The following CNTN4 variants were observed in gnomAD, a reference collection of about 807,000 sequenced individuals.
The protein encoded by CNTN4 is contactin-4.
A neutral mutation model predicts 122.5 loss-of-function variants in CNTN4; 77 were observed. The observed-to-expected ratio is 0.63, with a 90% CI of 0.52 to 0.76. The LOEUF (loss-of-function observed/expected upper bound fraction) is 0.76, where lower values mean the gene tolerates loss of function less well. Ranked by LOEUF, CNTN4 falls within the 30% of genes least tolerant of loss-of-function variation. The probability of loss-of-function intolerance (pLI) is 0.00; values close to 1 mark genes in which losing one functional copy is unlikely to be tolerated. For missense variants in CNTN4, 1,256 were observed against 1,259.1 expected, an observed-to-expected ratio of 1.00 and a Z score of 0.04; for synonymous variants, 512 against 447.0, an observed-to-expected ratio of 1.15 and a Z score of -1.83.
At chr3:2,294,896 C>A (rs1346193970) in intron 2 of CNTN4, among the ~76,000 whole-genome samples, 2 of 151,828 alleles carry the variant, frequency 1.3e-5, no homozygotes, top group African/African-American at 2.4e-5. Flanking sequence ...TCTCATTGTT[C>A]AATTCCCACC....
At chr3:2,292,729 C>G (rs1032240429) in intron 2 of CNTN4, among the ~76,000 whole-genome samples, 2 of 152,184 alleles carry the variant, frequency 1.3e-5, no homozygotes, top group Non-Finnish European at 2.9e-5. Flanking sequence ...ACATATTATT[C>G]TATCTATCAG....
At chr3:2,437,914 G>A (rs1575628893) in intron 3 of CNTN4, among the ~76,000 whole-genome samples, 1 of 152,128 alleles carries the variant, frequency 6.6e-6, no homozygotes, top group East Asian at 1.9e-4. Context: ...AAATAAATCA[G>A]CATTCAATGG....
chr3:2,379,792 C>A (rs973257971), intron 3 of CNTN4, among the ~76,000 whole-genome samples: 1 of 152,060 alleles, frequency 6.6e-6, no homozygotes, highest in Non-Finnish European at 1.5e-5. Context: ...CGGTGGCTCA[C>A]GCCTGTAATC....
At chr3:2,756,218 A>G (rs1208375203) in intron 6 of CNTN4, among the ~76,000 whole-genome samples, 3 of 152,240 alleles carry the variant, frequency 2.0e-5, no homozygotes, top group South Asian at 2.1e-4. Context: ...CTGAATATTT[A>G]TATCTCCAAA....
At chr3:2,565,908 C>A (rs1389171145) in intron 3 of CNTN4, among the ~76,000 whole-genome samples, 1 of 152,148 alleles carries the variant, frequency 6.6e-6, no homozygotes, top group Non-Finnish European at 1.5e-5. Context: ...TCTCTGCCTT[C>A]AGAATGGTAG....
At chr3:2,828,934 TTGTTTTGTTA>T (rs2093043184) in intron 7 of CNTN4, among the ~76,000 whole-genome samples, 1 of 152,144 alleles carries the variant, frequency 6.6e-6, no homozygotes, top group Admixed American at 6.5e-5. Flanking sequence ...AGATGGGGTC[TTGTTTTGTTA>T]CCCAAGTTGG....
At chr3:2,951,085 G>A (rs1165925813) in intron 13 of CNTN4, among the ~76,000 whole-genome samples, 3 of 152,276 alleles carry the variant, frequency 2.0e-5, no homozygotes, top group Middle Eastern at 3.4e-3. Flanking sequence ...AGGGTTATAT[G>A]AGGTAACCCA....
chr3:2,751,254 G>A (rs151304165), intron 6 of CNTN4, among the ~76,000 whole-genome samples: 7 of 151,510 alleles, frequency 4.6e-5, no homozygotes, highest in African/African-American at 1.7e-4. Context: ...CTTGCTGTGA[G>A]CCGAGATCAC....
chr3:3,015,805 A>G (rs897906116), intron 14 of CNTN4, among the ~76,000 whole-genome samples: 18 of 152,230 alleles, frequency 1.2e-4, no homozygotes, highest in African/African-American at 4.3e-4. Flanking sequence ...CTCAAGGTGT[A>G]CATTTCCTTT....
chr3:2,501,512 C>A (rs1489436859), intron 3 of CNTN4, among the ~76,000 whole-genome samples: 1 of 152,138 alleles, frequency 6.6e-6, no homozygotes, highest in Non-Finnish European at 1.5e-5. Flanking sequence ...TGTTTTCTTA[C>A]CTTTATCAAC....
chr3:2,634,069 A>G (rs1007715076), intron 4 of CNTN4, among the ~76,000 whole-genome samples: 8 of 152,248 alleles, frequency 5.3e-5, no homozygotes, highest in African/African-American at 1.9e-4. Flanking sequence ...GGAGGATTTC[A>G]TGTAAATTCA....
Position 2,866,542 on chromosome 3 carries a change from T to C in CNTN4, c.455-210T>C, listed in dbSNP as rs574220550. On this transcript the variant is annotated intron_variant, in intron 7 of 24. Coordinates refer to ENST00000418658, the MANE Select transcript of CNTN4 (RefSeq NM_175607.3). ...ATCAGCTATCAGTGTATCTTTTACT[T>C]CTCTGGAAATAAAACCTTATTGACT... 4.7e-5 allele frequency: 61 copies of C among 1,294,410 alleles called. No homozygotes were observed. In the African/African-American group the frequency reaches 8.1e-4, roughly 17 times the overall value. 80.2% of individuals were successfully genotyped at this position (1,294,410 alleles called of 1,614,324 possible).
intron 2 of CNTN4, among the ~76,000 whole-genome samples, chr3:2,319,579 C>G (rs1185973996): frequency 7.9e-6 from 1 of 126,370 alleles, no homozygotes; most frequent in African/African-American, 2.9e-5. Flanking sequence ...TGATGATCCA[C>G]TTCCACCTAA....
Position 2,666,060 on chromosome 3 carries a change from G to T in CNTN4, c.56-70155G>T, listed in dbSNP as rs111820005. 9.7e-3 allele frequency among the ~76,000 whole-genome samples: 1,483 copies of T among 152,294 alleles called. 26 individuals are homozygous for T. The highest frequency in any genetic ancestry group is 0.034 in the African/African-American group (1,401 of 41,562). The stretch of plus-strand genomic sequence containing the variant: ...CCCTTAAAAAATTCAGACTCCCTAA[G>T]TTGTCTACGCAGCATGCAGGTTCAC... On this transcript the variant is annotated intron_variant, in intron 4 of 24. Coordinates refer to ENST00000418658, the MANE Select transcript of CNTN4 (RefSeq NM_175607.3).
At chr3:2,394,309 C>G (rs1274937419) in intron 3 of CNTN4, among the ~76,000 whole-genome samples, 1 of 152,012 alleles carries the variant, frequency 6.6e-6, no homozygotes, top group East Asian at 1.9e-4. Context: ...AGGGCTAGAC[C>G]TAACTGGGTG....
chr3:2,291,171 A>AT (rs1022919248), intron 2 of CNTN4, among the ~76,000 whole-genome samples: 21 of 151,844 alleles, frequency 1.4e-4, no homozygotes, highest in Non-Finnish European at 2.8e-4. Flanking sequence ...ATTTATGTAA[A>AT]TTTTTTTACC....
chr3:2,614,608 G>A (rs1464040970), intron 4 of CNTN4, among the ~76,000 whole-genome samples: 3 of 152,076 alleles, frequency 2.0e-5, no homozygotes, highest in African/African-American at 7.2e-5. Context: ...TGAGAGAACG[G>A]GGTGAACTTT....
chr3:2,108,094 A>G lies in CNTN4; in HGVS notation c.-145+7455A>G, dbSNP rs907305778. 2.0e-5 allele frequency among the ~76,000 whole-genome samples: 3 copies of G among 149,722 alleles called. No homozygotes were observed. The East Asian group carries it at 5.9e-4, about 30-fold the overall frequency. ...TTTCCAGCATCACTTCCCTGTTCCT[A>G]TCCTCCCCCAGGCTTGCAGACCAAC... On this transcript the variant is annotated intron_variant, in intron 2 of 24. Transcript: ENST00000418658.
chr3:2,894,420 G>A (rs1389147542), intron 10 of CNTN4, among the ~76,000 whole-genome samples: 1 of 152,200 alleles, frequency 6.6e-6, no homozygotes, highest in African/African-American at 2.4e-5. Flanking sequence ...GAGCCAAGCA[G>A]GCCTGTGTAC....
Sources: allele counts gnomAD v4.1 joint callset (sites outside exome capture counted in the v4.1 genomes callset), GRCh38; gene constraint gnomAD v4.1.1; transcripts MANE v1.5; gene names NCBI Gene and HGNC (gene_info 2026-07-23, HGNC 2026-07-21).